Variants in UBE4A observed in about 807,000 individuals in gnomAD.
The protein encoded by UBE4A is ubiquitin conjugation factor E4 A.
Under a neutral mutation model 117.9 loss-of-function variants are expected in UBE4A, and 48 were observed. The observed-to-expected ratio is 0.41, with a 90% CI of 0.32 to 0.52. UBE4A has a LOEUF of 0.52. UBE4A is among the 20% of genes least tolerant of loss of function. The pLI, the probability that UBE4A is intolerant of heterozygous loss-of-function variation, is 0.33. For synonymous variants in UBE4A, 407 were observed against 450.0 expected, an observed-to-expected ratio of 0.90 and a Z score of 1.21; for missense variants, 1,067 against 1,296.3, an observed-to-expected ratio of 0.82 and a Z score of 2.72.
Position 118,386,469 on chromosome 11 carries a change from A to G in UBE4A, c.2444A>G (p.Glu815Gly), listed in dbSNP as rs782370301. ...YLSKIKIQQI[E>G]KDRGEWDSLT... ...AGCAAGATAAAGATTCAGCAAATTG[A>G]GAAGGATCGAGGTGAATGGGATAGT... The change falls in exon 16 of 20, where the codon GAG (glutamate) becomes GGG (glycine). Residue 815 changes from glutamate to glycine, a missense_variant. By Grantham distance (98) the Glu-to-Gly change is moderately conservative. Coordinates refer to ENST00000252108, the MANE Select transcript of UBE4A (RefSeq NM_001204077.2). 1.2e-6 allele frequency: 2 copies of G among 1,607,022 alleles called. No homozygotes were observed. Among genetic ancestry groups the G allele is most frequent in the Non-Finnish European group, 1.7e-6 (2 of 1,177,794 alleles).
rs1555126945 is a variant in UBE4A, at chr11:118,384,939, C to G, written c.2406C>G (p.Ala802=). Residue 802 remains alanine (A), a synonymous_variant, in exon 15 of 20, where the codon GCC becomes GCG. Transcript: ENST00000252108. The stretch of plus-strand genomic sequence containing the variant: ...ATGCCATCTTCCTTTTGGATGAAGC[C>G]ATACAGGTAAAAAAAAAAAAAAAAA... The part of the protein sequence containing the change: ...MNDAIFLLDE[A]IQYLSKIKIQ... The G allele has an allele frequency of 7.1e-7, 1 of 1,409,322 alleles. No individual in the cohort carries two copies. The highest frequency in any genetic ancestry group is 1.2e-5 in the South Asian group (1 of 81,120). The allele number at this position is 1,409,322 out of a possible 1,614,324, so 87.3% of individuals were successfully genotyped here.
rs782399567 is a variant in UBE4A at position 118,386,577 on chromosome 11, A to G, written c.2552A>G (p.Asn851Ser). The G allele has an allele frequency of 1.4e-5, 22 of 1,592,132 alleles. No individual in the cohort carries two copies. Among genetic ancestry groups the G allele is most frequent in the East Asian group, 7.0e-5 (3 of 43,158 alleles). The stretch of plus-strand genomic sequence containing the variant: ...GCACGTTTCCATAACATCATGTCCA[A>G]TGAAACAATCGGTACCCTTGCCTTT... ...QLARFHNIMS[N>S]ETIGTLAFLT... The change falls in exon 16 of 20, where the codon AAT (asparagine) becomes AGT (serine). Residue 851 changes from asparagine to serine, a missense_variant. This residue lies in a region of UBE4A where 1,001 missense variants were observed against 1,184.0 expected (regional missense o/e 0.85). Coordinates refer to ENST00000252108, the MANE Select transcript of UBE4A (RefSeq NM_001204077.2).
chr11:118,392,942 T>C, intron 19 of UBE4A, 47 bp downstream of exon 19: 1 of 1,570,518 alleles, frequency 6.4e-7, no homozygotes, highest in Non-Finnish European at 8.6e-7. Flanking sequence ...TATATATTAG[T>C]TTGCTATCTT....
chr11:118,376,840 A>C, intron 10 of UBE4A, 146 bp downstream of exon 10: 1 of 952,520 alleles, frequency 1.0e-6, no homozygotes, highest in Non-Finnish European at 1.5e-6. Flanking sequence ...GCTTGAGGCC[A>C]GAAGTTTAAG....
At chr11:118,380,132 T>TGC (rs1194964245) in intron 11 of UBE4A, among the ~76,000 whole-genome samples, 92 of 68,648 alleles carry the variant, frequency 1.3e-3, no homozygotes, top group Non-Finnish European at 2.3e-3. Flanking sequence ...TGTGTGTGTG[T>TGC]GCGTGTGTGT....
chr11:118,383,588 C>G (rs904584991), intron 13 of UBE4A, among the ~76,000 whole-genome samples: 1 of 54,222 alleles, frequency 1.8e-5, no homozygotes, highest in Non-Finnish European at 3.6e-5. Flanking sequence ...AAATCCCTCT[C>G]AAAAAAAAAA....
chr11:118,393,691 GA>G (rs1488118661), intron 19 of UBE4A, among the ~76,000 whole-genome samples: 7 of 151,936 alleles, frequency 4.6e-5, no homozygotes, highest in African/African-American at 1.7e-4. Flanking sequence ...CGCCTCCCAG[GA>G]TCAAGTGATT....
At position 118,399,037 on chromosome 11, in the gene UBE4A, T is replaced by C. The variant is rs1948901016; in HGVS notation, c.*2597T>C. ...TCATGTGAGGAAATAATGCACATGC[T>C]CTAACTGCTCAACAGGAAATGAACC... is the stretch of plus-strand genomic sequence containing the variant. On this transcript the variant is annotated 3_prime_UTR_variant, in exon 20 of 20. Transcript: ENST00000252108. The C allele has an allele frequency of 4.4e-6, 2 of 456,610 alleles. No individual in the cohort carries two copies. The highest frequency in any genetic ancestry group is 1.5e-5 in the South Asian group (1 of 64,536). 28.3% of individuals were successfully genotyped at this position (456,610 alleles called of 1,614,324 possible).
chr11:118,372,806 G>T (rs1156459189), intron 6 of UBE4A, 140 bp downstream of exon 6: 3 of 1,266,606 alleles, frequency 2.4e-6, no homozygotes, highest in Non-Finnish European at 3.3e-6. Context: ...GATCTTTGAG[G>T]TTGAGTACCA....
Position 118,372,601 on chromosome 11 carries a change from T to G in UBE4A, c.656T>G (p.Ile219Ser), listed in dbSNP as rs1241429041. 6.2e-7 allele frequency: 1 copy of G among 1,613,998 alleles called. No homozygotes were observed. Among genetic ancestry groups the G allele is most frequent in the Non-Finnish European group, 8.5e-7 (1 of 1,180,028 alleles). ...CGAACAGTTCTTCTCACCCCAGAGA[T>G]CTATGTTGACCAAAACATCCATGAG... ...NTRTVLLTPE[I>S]YVDQNIHEQL... The change falls in exon 6 of 20, where the codon ATC becomes AGC. Residue 219 changes from isoleucine (I) to serine (S), a missense_variant. This residue lies in a region of UBE4A where 1,001 missense variants were observed against 1,184.0 expected (regional missense o/e 0.85). Transcript: ENST00000252108.
chr11:118,387,314 AC>A (rs1242553906), intron 16 of UBE4A, among the ~76,000 whole-genome samples: 1 of 152,210 alleles, frequency 6.6e-6, no homozygotes, highest in African/African-American at 2.4e-5. Flanking sequence ...CAAAACAAGA[AC>A]AAAGAGGCAA....
chr11:118,363,969 C>CA, intron 1 of UBE4A, among the ~76,000 whole-genome samples: 1 of 152,038 alleles, frequency 6.6e-6, no homozygotes, highest in Non-Finnish European at 1.5e-5. Context: ...CTCAATAAAC[C>CA]AAAGGTAGAC....
chr11:118,366,222 ATC>A (rs1205636489), intron 2 of UBE4A, among the ~76,000 whole-genome samples: 1 of 152,180 alleles, frequency 6.6e-6, no homozygotes, highest in Non-Finnish European at 1.5e-5. Flanking sequence ...AGTCTCTGAA[ATC>A]TCTCCCAGAT....
chr11:118,376,634 A>G lies in UBE4A; in HGVS notation c.1511A>G (p.Tyr504Cys). Residue 504 changes from tyrosine to cysteine, a missense_variant, in exon 10 of 20, where the codon TAC becomes TGC. By Grantham distance (194) the Tyr-to-Cys change is radical. Coordinates refer to ENST00000252108, the MANE Select transcript of UBE4A (RefSeq NM_001204077.2). ...CAGGAGCCGAAGTTTCCACAGAACT[A>G]CAACCTTGTAACAGAGAACCTTGCT... ...AVQEPKFPQN[Y>C]NLVTENLALT... 1 of 1,614,092 alleles carries G rather than the reference A, an allele frequency of 6.2e-7. No individual in the cohort carries two copies. Among genetic ancestry groups the G allele is most frequent in the Non-Finnish European group, 8.5e-7 (1 of 1,180,008 alleles).
At position 118,384,889 on chromosome 11, in the gene UBE4A, C is replaced by T. The variant is rs782602634; in HGVS notation, c.2356C>T (p.Arg786Cys). ...AGCCATGAATCCCCCACTTTTCCTC[C>T]GCTTTCTTAACCTGCTAATGAATGA... ...LEAMNPPLFLRFLNLLMNDAI... is the reference protein window; with the variant it reads ...LEAMNPPLFLCFLNLLMNDAI... The change falls in exon 15 of 20, where the codon CGC (arginine) becomes TGC (cysteine). Residue 786 changes from arginine to cysteine, a missense_variant. Transcript: ENST00000252108. 8 of 1,613,216 alleles carry T rather than the reference C, an allele frequency of 5.0e-6. No individual in the cohort carries two copies. Among genetic ancestry groups the T allele is most frequent in the Admixed American group, 1.7e-5 (1 of 59,890 alleles).
intron 4 of UBE4A, 27 bp from the exon 5 acceptor site, chr11:118,371,487 A>C: frequency 1.3e-6 from 2 of 1,587,972 alleles, no homozygotes; most frequent in Non-Finnish European, 1.7e-6. Context: ...GCAATAGTTT[A>C]GTATTTTTGT....
At chr11:118,385,312 C>T (rs1333912688) in intron 15 of UBE4A, among the ~76,000 whole-genome samples, 1 of 152,118 alleles carries the variant, frequency 6.6e-6, no homozygotes, top group Non-Finnish European at 1.5e-5. Flanking sequence ...CCCTTTTAAT[C>T]CCAACATGTC....
At position 118,396,502 on chromosome 11, in the gene UBE4A, T is replaced by G; in HGVS notation, c.*62T>G. ...GTGCAGATAAACAATTGTTTGTGGT[T>G]TCTCTCTTTCTGGTTCTGTTCCTTT... On this transcript the variant is annotated 3_prime_UTR_variant, in exon 20 of 20. Transcript: ENST00000252108. 1,317 of 1,551,978 alleles carry G rather than the reference T, an allele frequency of 8.5e-4. No homozygotes were observed. Among genetic ancestry groups the G allele is most frequent in the Non-Finnish European group, 1.1e-3 (1,216 of 1,154,308 alleles).
At chr11:118,367,594 C>T (rs763632051) in intron 2 of UBE4A, among the ~76,000 whole-genome samples, 4 of 150,894 alleles carry the variant, frequency 2.7e-5, no homozygotes, top group East Asian at 1.9e-4. Flanking sequence ...CTCTGCCTCC[C>T]GGGTTTAAGC....
Sources: gnomAD v4.1 joint callset for allele counts (sites outside exome capture counted in the v4.1 genomes callset) on GRCh38, gnomAD v4.1.1 for gene constraint, gnomAD v4.1.1 regional missense constraint, MANE v1.5 for transcripts, NCBI Gene and HGNC (gene_info 2026-07-23, HGNC 2026-07-21) for gene names.